IL21R: variants seen among roughly 807,000 people sequenced by gnomAD.
IL21R encodes interleukin 21 receptor.
Under a neutral mutation model 41.3 loss-of-function variants are expected in IL21R, and 14 were observed. The ratio of observed to expected loss-of-function variants is 0.34; its 90% CI spans 0.22 to 0.53. The LOEUF (loss-of-function observed/expected upper bound fraction) is 0.53, where lower values mean the gene tolerates loss of function less well. IL21R is among the 20% of genes least tolerant of loss of function. The pLI is 0.94. For missense variants in IL21R, 588 were observed against 681.6 expected, an observed-to-expected ratio of 0.86 and a Z score of 1.53; for synonymous variants, 286 against 287.6, an observed-to-expected ratio of 0.99 and a Z score of 0.05.
chr16:27,417,594 A>G (rs1295295848), intron 1 of IL21R, among the ~76,000 whole-genome samples: 2 of 152,224 alleles, frequency 1.3e-5, no homozygotes, highest in Non-Finnish European at 2.9e-5. Context: ...TGTGAACGTC[A>G]TAGAGTGCAC....
chr16:27,424,663 C>T (rs996118822), intron 1 of IL21R, among the ~76,000 whole-genome samples: 1 of 152,182 alleles, frequency 6.6e-6, no homozygotes, highest in South Asian at 2.1e-4. Flanking sequence ...TGCCCAAAGA[C>T]GCACAGCTGG....
At chr16:27,440,248 T>TATATATATATAGAGAGAGAG (rs1352160946) in intron 4 of IL21R, among the ~76,000 whole-genome samples, 32 of 64,014 alleles carry the variant, frequency 5.0e-4, no homozygotes, top group East Asian at 7.3e-4. Flanking sequence ...TATATATATA[T>TATATATATATAGAGAGAGAG]AGAGAGAGAG....
At chr16:27,444,771 T>C in intron 6 of IL21R, 52 bp downstream of exon 6, 1 of 1,443,862 alleles carries the variant, frequency 6.9e-7, no homozygotes, top group Non-Finnish European at 9.2e-7. Context: ...AATTTTGTCC[T>C]GTTCTAGCCA....
At chr16:27,445,866 C>A in intron 7 of IL21R, 141 bp from the exon 8 acceptor site, 1 of 550,240 alleles carries the variant, frequency 1.8e-6, no homozygotes, top group South Asian at 2.8e-5. Flanking sequence ...GGAAACCAAG[C>A]CCCAGGGAAG....
intron 1 of IL21R, among the ~76,000 whole-genome samples, chr16:27,412,438 T>C (rs1346624735): frequency 6.6e-6 from 1 of 151,914 alleles, no homozygotes; most frequent in Non-Finnish European, 1.5e-5. Flanking sequence ...TTTTAGAGTG[T>C]TCTTCTTTCT....
At position 27,444,529 on chromosome 16, in the gene IL21R, C is replaced by T. The variant is rs2087443528; in HGVS notation, c.508-13C>T. 6.8e-7 allele frequency: 1 copy of T among 1,465,102 alleles called. No individual in the cohort carries two copies. The highest frequency in any genetic ancestry group is 9.1e-7 in the Non-Finnish European group (1 of 1,103,332). The allele number at this position is 1,465,102 out of a possible 1,614,324, so 90.8% of individuals were successfully genotyped here. The stretch of plus-strand genomic sequence containing the variant: ...TAACCCTGACCTGGTGCATCCTTTC[C>T]TTGTACTGGCAGAGTCCGAGGAGAA... On this transcript the variant is annotated splice_polypyrimidine_tract_variant and intron_variant, in intron 5 of 8. Coordinates refer to ENST00000337929, the MANE Select transcript of IL21R (RefSeq NM_181078.3).
chr16:27,424,357 A>T (rs2087043306), intron 1 of IL21R, among the ~76,000 whole-genome samples: 1 of 152,212 alleles, frequency 6.6e-6, no homozygotes. Context: ...TACAGGCATG[A>T]GCCACCACGT....
intron 4 of IL21R, among the ~76,000 whole-genome samples, chr16:27,441,067 G>A (rs112209865): frequency 3.3e-3 from 339 of 101,294 alleles, no homozygotes; most frequent in African/African-American, 0.01. Context: ...AAAAAAAAAA[G>A]AAAGAAGAGA....
chr16:27,421,568 G>T (rs1348864049), intron 1 of IL21R, among the ~76,000 whole-genome samples: 1 of 151,930 alleles, frequency 6.6e-6, no homozygotes, highest in African/African-American at 2.4e-5. Flanking sequence ...CATAACTAAT[G>T]AATTTTGTTA....
At chr16:27,426,666 T>A (rs2087083658) in intron 1 of IL21R, among the ~76,000 whole-genome samples, 1 of 152,242 alleles carries the variant, frequency 6.6e-6, no homozygotes, top group South Asian at 2.1e-4. Flanking sequence ...CACTACCACA[T>A]CTGCTTTCTC....
chr16:27,431,746 G>A (rs868464910), intron 2 of IL21R, among the ~76,000 whole-genome samples: 3 of 152,040 alleles, frequency 2.0e-5, no homozygotes, highest in African/African-American at 7.2e-5. Flanking sequence ...TGCCTCCCAG[G>A]TTCAAGCAAT....
At chr16:27,440,555 G>A (rs1410718277) in intron 4 of IL21R, among the ~76,000 whole-genome samples, 1 of 152,094 alleles carries the variant, frequency 6.6e-6, no homozygotes, top group Non-Finnish European at 1.5e-5. Flanking sequence ...TTTTTGGCAT[G>A]AGCCACCTTG....
At chr16:27,410,162 C>A (rs537400364) in intron 1 of IL21R, among the ~76,000 whole-genome samples, 20 of 152,002 alleles carry the variant, frequency 1.3e-4, no homozygotes, top group Non-Finnish European at 2.6e-4. Context: ...GTGGTGAAAC[C>A]CTGTCTCCAC....
intron 4 of IL21R, among the ~76,000 whole-genome samples, chr16:27,439,653 C>T (rs1003265647): frequency 3.9e-5 from 6 of 151,978 alleles, no homozygotes; most frequent in African/African-American, 1.5e-4. Context: ...CACGGGCACA[C>T]ATGCACACAC....
At position 27,448,982 on chromosome 16, in the gene IL21R, G is replaced by A. The variant is rs199542730; in HGVS notation, c.1316G>A (p.Gly439Glu). Residue 439 changes from glycine (G) to glutamate (E), a missense_variant, in exon 9 of 9, where the codon GGA becomes GAA. Gly to Glu is a moderately conservative substitution (Grantham distance 98). Coordinates refer to ENST00000337929, the MANE Select transcript of IL21R (RefSeq NM_181078.3). ...GCVSAGSPGL[G>E]GPLGSLLDRL... The stretch of plus-strand genomic sequence containing the variant: ...GTCTCAGCTGGCAGCCCTGGGCTAG[G>A]AGGGCCCCTGGGAAGCCTCCTGGAC... 1.2e-5 allele frequency: 19 copies of A among 1,612,886 alleles called. No individual in the cohort carries two copies. The highest frequency in any genetic ancestry group is 3.3e-4 in the Middle Eastern group (2 of 6,084).
chr16:27,419,259 A>G (rs2086959142), intron 1 of IL21R, among the ~76,000 whole-genome samples: 1 of 152,218 alleles, frequency 6.6e-6, no homozygotes, highest in Non-Finnish European at 1.5e-5. Context: ...ACATTAGCCT[A>G]GGCCTACACA....
intron 8 of IL21R, chr16:27,448,241 C>T (rs974264053): frequency 9.2e-6 from 3 of 327,490 alleles, no homozygotes; most frequent in East Asian, 5.7e-5. Flanking sequence ...GATCACCTGA[C>T]GTCAGGAGTT....
intron 1 of IL21R, 45 bp from the exon 2 acceptor site, chr16:27,430,011 G>A: frequency 1.3e-6 from 2 of 1,550,256 alleles, no homozygotes; most frequent in Non-Finnish European, 1.8e-6. Flanking sequence ...GGCCGGGGGA[G>A]CCCTGAGCCC....
At chr16:27,439,361 TACACACAC>T (rs145409668) in intron 4 of IL21R, among the ~76,000 whole-genome samples, 2 of 139,204 alleles carry the variant, frequency 1.4e-5, no homozygotes, top group South Asian at 2.2e-4. Flanking sequence ...CACACATACA[TACACACAC>T]ACACACACAC....
Sources: allele counts gnomAD v4.1 joint callset (sites outside exome capture counted in the v4.1 genomes callset), GRCh38; gene constraint gnomAD v4.1.1; transcripts MANE v1.5; gene names NCBI Gene and HGNC (gene_info 2026-07-23, HGNC 2026-07-21).